Variants in CACNA1A observed in about 807,000 individuals in gnomAD.
CACNA1A encodes voltage-dependent P/Q-type calcium channel subunit alpha-1A.
A neutral mutation model predicts 262.4 loss-of-function variants in CACNA1A; 57 were observed. The ratio of observed to expected loss-of-function variants is 0.22; its 90% CI spans 0.18 to 0.27. CACNA1A has a LOEUF of 0.27. Among genes scored for constraint, CACNA1A ranks in the 10% least tolerant of loss-of-function variants. The pLI is 1.00. For missense variants in CACNA1A, 2,526 were observed against 3,562.8 expected, an observed-to-expected ratio of 0.71 and a Z score of 7.41; for synonymous variants, 1,431 against 1,419.3, an observed-to-expected ratio of 1.01 and a Z score of -0.18.
chr19:13,444,656 C>T (rs1252895920), intron 3 of CACNA1A, among the ~76,000 whole-genome samples: 1 of 152,016 alleles, frequency 6.6e-6, no homozygotes, highest in South Asian at 2.1e-4. Flanking sequence ...AGTGGCAGAA[C>T]CTGAGGGGTG....
chr19:13,503,800 AGC>A (rs1982683363), intron 1 of CACNA1A, among the ~76,000 whole-genome samples: 1 of 152,014 alleles, frequency 6.6e-6, no homozygotes, highest in African/African-American at 2.4e-5. Flanking sequence ...GTCTGCAGAG[AGC>A]ATAATGCACA....
Position 13,212,827 on chromosome 19 carries a change from T to TACACACACACACACACACACACAC in CACNA1A, c.5941-88_5941-87insGTGTGTGTGTGTGTGTGTGTGTGT, listed in dbSNP as rs61178346. On this transcript the variant is annotated intron_variant, in intron 40 of 46. Coordinates refer to ENST00000360228, the MANE Select transcript of CACNA1A (RefSeq NM_001127222.2). This position sits in a 1 kb window ranked among gnomAD's most constrained non-coding sequence, Gnocchi z 5.6. ...AGAAGGCATTGCGACATCCCCAGTA[T>TACACACACACACACACACACACAC]ACACACACACACACACACACACTCT... is the stretch of plus-strand genomic sequence containing the variant. 6.3e-6 allele frequency: 3 copies of TACACACACACACACACACACACAC among 472,548 alleles called. No individual in the cohort carries two copies. Among genetic ancestry groups the TACACACACACACACACACACACAC allele is most frequent in the African/African-American group, 6.2e-5 (3 of 48,454 alleles). The allele number at this position is 472,548 out of a possible 1,614,324, so 29.3% of individuals were successfully genotyped here.
chr19:13,364,561 G>A (rs2059173213), intron 5 of CACNA1A: 1 of 152,242 alleles, frequency 6.6e-6, no homozygotes, highest in African/African-American at 2.4e-5. Context: ...TCAAAAAGAA[G>A]CCAGTGTATA....
At chr19:13,494,688 G>A (rs893807041) in intron 1 of CACNA1A, among the ~76,000 whole-genome samples, 2 of 152,126 alleles carry the variant, frequency 1.3e-5, no homozygotes, top group African/African-American at 2.4e-5. Context: ...GGCTGGGGAC[G>A]CCTCAGGAAA....
intron 3 of CACNA1A, among the ~76,000 whole-genome samples, chr19:13,428,372 C>G (rs575194697): frequency 1.3e-5 from 2 of 152,294 alleles, no homozygotes; most frequent in Admixed American, 1.3e-4. Context: ...TGAAGTTTTA[C>G]AAGGGCAGAA....
At chr19:13,273,768 A>G (rs929520832) in intron 24 of CACNA1A, 3 of 152,016 alleles carry the variant, frequency 2.0e-5, no homozygotes, top group African/African-American at 7.2e-5. Context: ...TTTTTTTGAG[A>G]CAAGTTCTTC....
At chr19:13,245,157 A>C in intron 31 of CACNA1A, 25 bp downstream of exon 31, 3 of 1,588,896 alleles carry the variant, frequency 1.9e-6, no homozygotes, top group Non-Finnish European at 2.6e-6. Flanking sequence ...AGAGTCACCC[A>C]GAGAGAAGCT....
Position 13,207,291 on chromosome 19 carries a change from G to A in CACNA1A, c.*22C>T. 1 of 1,535,728 alleles carries A rather than the reference G, an allele frequency of 6.5e-7. No individual in the cohort carries two copies. The highest frequency in any genetic ancestry group is 1.4e-5 in the African/African-American group (1 of 71,408). The stretch of plus-strand genomic sequence containing the variant: ...GTGCGTGGGGTGCGTGGGGGGCCGG[G>A]CGGGCGCCACCTCGCCCGGGCTTAG... On this transcript the variant is annotated 3_prime_UTR_variant, in exon 47 of 47. Coordinates refer to ENST00000360228, the MANE Select transcript of CACNA1A (RefSeq NM_001127222.2). This position sits in a 1 kb window ranked among gnomAD's most constrained non-coding sequence, Gnocchi z 5.7.
intron 2 of CACNA1A, among the ~76,000 whole-genome samples, chr19:13,453,413 A>T (rs2060951181): frequency 6.6e-6 from 1 of 152,266 alleles, no homozygotes; most frequent in Non-Finnish European, 1.5e-5. Flanking sequence ...ATCCTATTGG[A>T]CAGGGCAGAT....
chr19:13,285,350 T>C (rs2057376520), intron 20 of CACNA1A, 144 bp from the exon 21 acceptor site: 7 of 795,304 alleles, frequency 8.8e-6, no homozygotes, highest in African/African-American at 1.7e-5. Flanking sequence ...ATGACATCAC[T>C]GAACCCTTGT....
chr19:13,461,023 C>G (rs1276467754), intron 1 of CACNA1A, among the ~76,000 whole-genome samples: 1 of 152,050 alleles, frequency 6.6e-6, no homozygotes, highest in African/African-American at 2.4e-5. Context: ...AGAGCATTCT[C>G]TATATAGTAG....
At position 13,485,724 on chromosome 19, in the gene CACNA1A, G is replaced by A. The variant is rs540834154; in HGVS notation, c.293+20208C>T. The stretch of plus-strand genomic sequence containing the variant: ...AAAAACCTGACAATACCAAGTGTTG[G>A]CAAGGTTGTGAAGCATCTTGAATGC... On this transcript the variant is annotated intron_variant, in intron 1 of 46. Transcript: ENST00000360228. 5.0e-4 allele frequency among the ~76,000 whole-genome samples: 76 copies of A among 152,296 alleles called. 1 individual carries two copies. The highest frequency in any genetic ancestry group is 1.5e-3 in the East Asian group (8 of 5,192).
chr19:13,374,825 T>C (rs74258413), intron 3 of CACNA1A, among the ~76,000 whole-genome samples: 5,662 of 152,104 alleles, frequency 0.037, 189 homozygotes, highest in South Asian at 0.088. Context: ...ACCCAATAAA[T>C]ATAAGCAGGC....
At chr19:13,376,305 T>C (rs2059403616) in intron 3 of CACNA1A, among the ~76,000 whole-genome samples, 2 of 152,148 alleles carry the variant, frequency 1.3e-5, no homozygotes, top group African/African-American at 4.8e-5. Context: ...AATGCCTGGC[T>C]TCAAAGCTTC....
chr19:13,479,069 G>A (rs958748911), intron 1 of CACNA1A, among the ~76,000 whole-genome samples: 1 of 152,188 alleles, frequency 6.6e-6, no homozygotes, highest in African/African-American at 2.4e-5. Flanking sequence ...AGCTACTCAG[G>A]AGGCTGAGGC....
chr19:13,376,920 A>C (rs1470867093), intron 3 of CACNA1A, among the ~76,000 whole-genome samples: 4 of 143,386 alleles, frequency 2.8e-5, no homozygotes, highest in Non-Finnish European at 6.0e-5. Flanking sequence ...TATATTACAT[A>C]TATGTTATAT....
At chr19:13,282,696 T>C (rs1316194811) in intron 22 of CACNA1A, among the ~76,000 whole-genome samples, 2 of 150,876 alleles carry the variant, frequency 1.3e-5, no homozygotes, top group African/African-American at 2.4e-5. Context: ...GGGCGGGGGG[T>C]TGGGGGGGCG....
intron 3 of CACNA1A, among the ~76,000 whole-genome samples, chr19:13,424,867 C>T (rs549411267): frequency 6.6e-6 from 1 of 152,094 alleles, no homozygotes; most frequent in African/African-American, 2.4e-5. Flanking sequence ...TGCAGTGGTG[C>T]GATCTTGGCT....
At chr19:13,412,858 T>TA (rs1388320029) in intron 3 of CACNA1A, among the ~76,000 whole-genome samples, 2 of 152,202 alleles carry the variant, frequency 1.3e-5, no homozygotes, top group Non-Finnish European at 2.9e-5. Flanking sequence ...TCCACTGATT[T>TA]AAAAAGATTT....
Sources: allele counts gnomAD v4.1 joint callset (sites outside exome capture counted in the v4.1 genomes callset), GRCh38; gene constraint gnomAD v4.1.1; non-coding constraint Gnocchi (gnomAD v3.1); transcripts MANE v1.5; gene names NCBI Gene and HGNC (gene_info 2026-07-23, HGNC 2026-07-21).